The following CCNT2 variants were observed in gnomAD, a reference collection of about 807,000 sequenced individuals.
CCNT2 encodes the protein cyclin-T2.
In CCNT2, 18 loss-of-function variants were observed where a neutral mutation model predicts 70.0. That is an observed-to-expected ratio of 0.26 (90% CI 0.18 to 0.38). CCNT2 has a LOEUF of 0.38. Among genes scored for constraint, CCNT2 ranks in the 10% least tolerant of loss-of-function variants. The pLI is 1.00. For synonymous variants in CCNT2, 334 were observed against 313.3 expected, an observed-to-expected ratio of 1.07 and a Z score of -0.70; for missense variants, 734 against 890.2, an observed-to-expected ratio of 0.82 and a Z score of 2.23.
intron 5 of CCNT2, chr2:134,945,258 G>A (rs1465983310): frequency 1.0e-6 from 1 of 985,270 alleles, no homozygotes; most frequent in African/African-American, 1.7e-5. Context: ...TTAGAGGGGT[G>A]GAGTTGAGAT....
intron 7 of CCNT2, among the ~76,000 whole-genome samples, chr2:134,950,567 G>A (rs538864321): frequency 1.1e-4 from 16 of 152,210 alleles, no homozygotes; most frequent in East Asian, 7.7e-4. Flanking sequence ...AGCCTGAGAC[G>A]TCAAGGTTGT....
intron 5 of CCNT2, chr2:134,945,146 T>C: frequency 1.0e-6 from 1 of 985,276 alleles, no homozygotes; most frequent in Non-Finnish European, 1.2e-6. Flanking sequence ...TAAACCCCAA[T>C]CCCTTTTGTA....
At chr2:134,941,261 C>T (rs1350208750) in intron 4 of CCNT2, among the ~76,000 whole-genome samples, 2 of 152,220 alleles carry the variant, frequency 1.3e-5, no homozygotes, top group African/African-American at 4.8e-5. Flanking sequence ...ACCAACCCCT[C>T]TTCCTCAGCC....
At chr2:134,946,248 A>G (rs1681957963) in intron 6 of CCNT2, 102 bp downstream of exon 6, 1 of 1,400,326 alleles carries the variant, frequency 7.1e-7, no homozygotes, top group East Asian at 2.3e-5. Context: ...GCGACAGGAG[A>G]CTGGACCATC....
chr2:134,949,962 T>G (rs954181888), intron 7 of CCNT2, among the ~76,000 whole-genome samples: 19 of 152,072 alleles, frequency 1.2e-4, no homozygotes, highest in Non-Finnish European at 4.4e-5. Context: ...GCCTGGCTAA[T>G]TTTTGTATTT....
At chr2:134,939,695 A>T (rs2105056029) in intron 4 of CCNT2, among the ~76,000 whole-genome samples, 1 of 152,224 alleles carries the variant, frequency 6.6e-6, no homozygotes, top group Non-Finnish European at 1.5e-5. Context: ...TGAACTCCTG[A>T]GCTCAGGGAA....
Position 134,919,902 on chromosome 2 carries a change from G to GTTTA in CCNT2, c.240+13_240+14insTATT, listed in dbSNP as rs67897534. ...AAATTCAACAAAAATGTAAGTACTA[G>GTTTA]TTGTCTGTTTTTACTGTCCGCAAAT... On this transcript the variant is annotated intron_variant, in intron 2 of 8. Transcript: ENST00000264157. 3.3e-6 allele frequency: 5 copies of GTTTA among 1,508,012 alleles called. No individual in the cohort carries two copies. In the Admixed American group the frequency reaches 8.1e-5, roughly 24 times the overall value. 93.4% of individuals were successfully genotyped at this position (1,508,012 alleles called of 1,614,324 possible). A position where few individuals can be genotyped will look rare whatever the true frequency, so the allele number is the denominator to read the frequency against.
rs1682927587 is a variant in CCNT2, at chr2:134,956,418, C to T, written c.*1770C>T. On this transcript the variant is annotated 3_prime_UTR_variant, in exon 9 of 9. Coordinates refer to ENST00000264157, the MANE Select transcript of CCNT2 (RefSeq NM_058241.3). ...TAACATTTGTTCTGGTCTTGCATAA[C>T]TTCAGTAATCTTTGTCATTATATGT... The T allele has an allele frequency of 6.6e-6, 1 of 152,450 alleles. No individual in the cohort carries two copies. The highest frequency in any genetic ancestry group is 1.5e-5 in the Non-Finnish European group (1 of 68,012). The allele number at this position is 152,450 out of a possible 1,614,324, so 9.4% of individuals were successfully genotyped here. A position where few individuals can be genotyped will look rare whatever the true frequency, so the allele number is the denominator to read the frequency against.
At chr2:134,930,197 G>T (rs1680639445) in intron 2 of CCNT2, among the ~76,000 whole-genome samples, 1 of 152,128 alleles carries the variant, frequency 6.6e-6, no homozygotes, top group Non-Finnish European at 1.5e-5. Context: ...ATTATTTTCT[G>T]TCTCCATAGA....
Position 134,954,339 on chromosome 2 carries a change from C to A in CCNT2, c.1884C>A (p.His628Gln), listed in dbSNP as rs759558964. The change falls in exon 9 of 9, where the codon CAC becomes CAA. Residue 628 changes from histidine to glutamine, a missense_variant. By Grantham distance (24) the His-to-Gln change is conservative (BLOSUM62 0). Coordinates refer to ENST00000264157, the MANE Select transcript of CCNT2 (RefSeq NM_058241.3). ...RKRLHVNDAS[H>Q]NHHSKMSKSS... ...GGCTGCATGTCAATGATGCATCTCA[C>A]AACCACCACTCCAAAATGAGCAAAA... 2 of 1,614,196 alleles carry A rather than the reference C, an allele frequency of 1.2e-6. No homozygotes were observed. The highest frequency in any genetic ancestry group is 1.1e-5 in the South Asian group (1 of 91,084).
chr2:134,947,662 C>A, intron 6 of CCNT2, 74 bp from the exon 7 acceptor site: 1 of 1,155,358 alleles, frequency 8.7e-7, no homozygotes, highest in Non-Finnish European at 1.2e-6. Context: ...TCTAATCTTA[C>A]TGGTAAATGT....
chr2:134,946,682 C>CTT (rs35187705), intron 6 of CCNT2, among the ~76,000 whole-genome samples: 6,066 of 140,012 alleles, frequency 0.043, 413 homozygotes, highest in African/African-American at 0.15. Flanking sequence ...ACAATTTTTC[C>CTT]TTTTTTTTTT....
chr2:134,944,122 CTG>C (rs1681774886), intron 5 of CCNT2: 2 of 983,974 alleles, frequency 2.0e-6, no homozygotes, highest in Non-Finnish European at 2.4e-6. Flanking sequence ...ACATATTTAA[CTG>C]TGGTTCCTGT....
intron 5 of CCNT2, chr2:134,945,618 T>C (rs1354547585): frequency 2.0e-6 from 2 of 985,296 alleles, no homozygotes; most frequent in African/African-American, 3.5e-5. Flanking sequence ...AACTGAGCAG[T>C]TTGTGCTCTG....
chr2:134,935,249 C>T (rs1215571474), intron 2 of CCNT2, among the ~76,000 whole-genome samples: 1 of 152,146 alleles, frequency 6.6e-6, no homozygotes, highest in Non-Finnish European at 1.5e-5. Flanking sequence ...TAAAATTATT[C>T]ACTCATTTTA....
intron 2 of CCNT2, among the ~76,000 whole-genome samples, chr2:134,933,269 G>T (rs1379668462): frequency 2.0e-5 from 3 of 152,192 alleles, no homozygotes; most frequent in African/African-American, 7.2e-5. Context: ...CAAAGTGTTT[G>T]CACAGGATTA....
At chr2:134,952,752 A>C in intron 8 of CCNT2, 41 bp downstream of exon 8, 2 of 1,429,784 alleles carry the variant, frequency 1.4e-6, no homozygotes, top group Non-Finnish European at 2.0e-6. Context: ...TCAGTCTTTT[A>C]TGTAACATTT....
rs1683054516 is a variant in CCNT2, at chr2:134,958,709, T to A, written c.*4061T>A. 6.6e-6 allele frequency: 1 copy of A among 152,196 alleles called. No homozygotes were observed. Among genetic ancestry groups the A allele is most frequent in the Non-Finnish European group, 1.5e-5 (1 of 68,038 alleles). The allele number at this position is 152,196 out of a possible 1,614,324, so 9.4% of individuals were successfully genotyped here. ...TGGAGCATCTATTTTTGTAATACAT[T>A]TTGCCAGTGGGACTGAAAAGCTCAA... On this transcript the variant is annotated 3_prime_UTR_variant, in exon 9 of 9. Transcript: ENST00000264157.
intron 4 of CCNT2, among the ~76,000 whole-genome samples, chr2:134,941,303 C>T (rs1335541548): frequency 6.6e-6 from 1 of 152,218 alleles, no homozygotes. Flanking sequence ...TGATGATCCA[C>T]TTCCACTTAA....
Sources: allele counts gnomAD v4.1 joint callset (sites outside exome capture counted in the v4.1 genomes callset), GRCh38; gene constraint gnomAD v4.1.1; transcripts MANE v1.5; gene names NCBI Gene and HGNC (gene_info 2026-07-23, HGNC 2026-07-21).